ARMC3: variants seen among roughly 807,000 people sequenced by gnomAD.
ARMC3 encodes armadillo repeat-containing protein 3.
In ARMC3, 74 loss-of-function variants were observed where a neutral mutation model predicts 90.3. That is an observed-to-expected ratio of 0.82 (90% confidence interval 0.68 to 0.99). The LOEUF (loss-of-function observed/expected upper bound fraction) is 0.99. Ranked by LOEUF, ARMC3 falls within the 50% of genes least tolerant of loss-of-function variation. ARMC3 has a pLI of 0.00. For synonymous variants in ARMC3, 334 were observed against 361.8 expected (o/e 0.92, Z 0.87); for missense variants, 958 against 1,042.8 (o/e 0.92, Z 1.12).
chr10:22,981,543 T>C, intron 9 of ARMC3, 51 bp downstream of exon 9: 1 of 1,613,514 alleles, frequency 6.2e-7, no homozygotes, highest in Non-Finnish European at 8.5e-7. Context: ...TACCGTATTT[T>C]AGTGCACATG....
chr10:23,008,681 AG>A (rs1476066552), intron 15 of ARMC3, 133 bp from the exon 16 acceptor site: 1 of 772,948 alleles, frequency 1.3e-6, no homozygotes, highest in African/African-American at 1.8e-5. Flanking sequence ...TCATGGGGAA[AG>A]GAATCAAGTT....
At chr10:22,957,970 G>C (rs1004190171) in intron 4 of ARMC3, among the ~76,000 whole-genome samples, 17 of 152,154 alleles carry the variant, frequency 1.1e-4, no homozygotes, top group African/African-American at 3.9e-4. Flanking sequence ...GCTGAGGTGG[G>C]AGGATTGCTT....
At chr10:22,969,452 T>C (rs538069525) in intron 8 of ARMC3, among the ~76,000 whole-genome samples, 1 of 152,240 alleles carries the variant, frequency 6.6e-6, no homozygotes, top group East Asian at 1.9e-4. Context: ...TATATTGATA[T>C]GTATACTATG....
At chr10:22,951,312 A>G (rs1437191126) in intron 3 of ARMC3, among the ~76,000 whole-genome samples, 1 of 152,256 alleles carries the variant, frequency 6.6e-6, no homozygotes, top group East Asian at 1.9e-4. Flanking sequence ...GGAGAAATAG[A>G]TATCCACAAT....
At chr10:22,945,093 G>C (rs1236818616) in intron 2 of ARMC3, among the ~76,000 whole-genome samples, 2 of 152,098 alleles carry the variant, frequency 1.3e-5, no homozygotes, top group East Asian at 3.9e-4. Flanking sequence ...ATTTTATCCT[G>C]GCTGTGTCCT....
chr10:23,016,569 G>C (rs976268045), intron 16 of ARMC3, among the ~76,000 whole-genome samples: 2 of 152,144 alleles, frequency 1.3e-5, no homozygotes, highest in African/African-American at 4.8e-5. Flanking sequence ...AATTTTACCG[G>C]AGTTAATTTT....
At chr10:23,009,422 A>G (rs1451334896) in intron 16 of ARMC3, among the ~76,000 whole-genome samples, 1 of 152,156 alleles carries the variant, frequency 6.6e-6, no homozygotes, top group Non-Finnish European at 1.5e-5. Context: ...AATGAGGAGG[A>G]GGAGAGGCAA....
At chr10:23,020,412 G>A (rs1424576564) in intron 16 of ARMC3, among the ~76,000 whole-genome samples, 1 of 152,230 alleles carries the variant, frequency 6.6e-6, no homozygotes, top group African/African-American at 2.4e-5. Context: ...TGGGATTACA[G>A]GTGTGAACCA....
In ARMC3 at chr10:22,989,394, T is replaced by C. The variant is rs1057339362; in HGVS notation, c.1175+7694T>C. Among the ~76,000 whole-genome samples, 19 of 152,336 alleles carry C rather than the reference T, an allele frequency of 1.2e-4. No individual in the cohort carries two copies. In the East Asian group the frequency reaches 3.3e-3, roughly 26 times the overall value. The stretch of plus-strand genomic sequence containing the variant: ...GTGCTATATAACCAGATAGGATAAA[T>C]GTAATACTCTTGAACAACATAATCT... On this transcript the variant is annotated intron_variant, in intron 10 of 18. Transcript: ENST00000298032.
At chr10:22,950,449 C>A (rs1834701226) in intron 3 of ARMC3, among the ~76,000 whole-genome samples, 1 of 151,648 alleles carries the variant, frequency 6.6e-6, no homozygotes, top group Non-Finnish European at 1.5e-5. Flanking sequence ...ATACTGCAAC[C>A]CTAATGCAAC....
intron 8 of ARMC3, among the ~76,000 whole-genome samples, chr10:22,972,623 T>C (rs976810051): frequency 2.0e-5 from 3 of 152,206 alleles, no homozygotes; most frequent in Non-Finnish European, 4.4e-5. Context: ...TCTGTGATTG[T>C]ATTATGTTCC....
At chr10:22,940,933 A>G (rs1834302673) in intron 2 of ARMC3, among the ~76,000 whole-genome samples, 1 of 152,232 alleles carries the variant, frequency 6.6e-6, no homozygotes, top group African/African-American at 2.4e-5. Context: ...TAATGGTTCC[A>G]ACTTGAAACA....
At chr10:23,030,930 C>T in intron 17 of ARMC3, 134 bp downstream of exon 17, 1 of 987,090 alleles carries the variant, frequency 1.0e-6, no homozygotes, top group South Asian at 2.0e-5. Context: ...GACACAGAAA[C>T]ACAATGAATT....
At chr10:22,985,641 T>C (rs1416246227) in intron 10 of ARMC3, among the ~76,000 whole-genome samples, 1 of 152,188 alleles carries the variant, frequency 6.6e-6, no homozygotes, top group African/African-American at 2.4e-5. Context: ...CCCCCACAGA[T>C]AATTCTCGTG....
At chr10:23,032,836 T>C in intron 17 of ARMC3, 25 bp from the exon 18 acceptor site, 2 of 1,598,992 alleles carry the variant, frequency 1.3e-6, no homozygotes, top group Non-Finnish European at 1.7e-6. Flanking sequence ...AATTGACCGA[T>C]TTGATCTCAA....
chr10:22,950,127 T>A (rs746932176), intron 3 of ARMC3, among the ~76,000 whole-genome samples: 1 of 152,086 alleles, frequency 6.6e-6, no homozygotes, highest in Non-Finnish European at 1.5e-5. Flanking sequence ...TCTACACTAT[T>A]ACTTATAATA....
intron 2 of ARMC3, among the ~76,000 whole-genome samples, chr10:22,943,342 T>A (rs1416569486): frequency 1.3e-5 from 2 of 152,210 alleles, no homozygotes; most frequent in Non-Finnish European, 2.9e-5. Flanking sequence ...TTCTTTTGTA[T>A]TTTCTGTCCC....
At chr10:22,986,922 C>T (rs1290316636) in intron 10 of ARMC3, among the ~76,000 whole-genome samples, 1 of 152,046 alleles carries the variant, frequency 6.6e-6, no homozygotes, top group Non-Finnish European at 1.5e-5. Flanking sequence ...CAGCCAGATT[C>T]ACTTATTAGC....
chr10:23,033,819 G>A (rs141141098), intron 18 of ARMC3, among the ~76,000 whole-genome samples: 100 of 152,244 alleles, frequency 6.6e-4, no homozygotes, highest in African/African-American at 2.1e-3. Flanking sequence ...GGTGTGGTGC[G>A]AGAGAGTACA....
Sources: gnomAD v4.1 joint callset for allele counts (sites outside exome capture counted in the v4.1 genomes callset) on GRCh38, gnomAD v4.1.1 for gene constraint, MANE v1.5 for transcripts, NCBI Gene and HGNC (gene_info 2026-07-23, HGNC 2026-07-21) for gene names.